KIAA0319L: variants seen among roughly 807,000 people sequenced by gnomAD.
KIAA0319L encodes KIAA0319 like.
KIAA0319L carries 55 observed loss-of-function variants against 120.1 expected under a neutral mutation model. That is an observed-to-expected ratio of 0.46 (90% CI 0.37 to 0.57). The LOEUF (loss-of-function observed/expected upper bound fraction) is 0.57. KIAA0319L is among the 20% of genes least tolerant of loss of function. The pLI is 0.00. For missense variants in KIAA0319L, 1,049 were observed against 1,255.3 expected (o/e 0.84, Z 2.48); for synonymous variants, 398 against 471.9 (o/e 0.84, Z 2.03).
chr1:35,549,434 T>C (rs1379764692), intron 2 of KIAA0319L, among the ~76,000 whole-genome samples: 1 of 152,200 alleles, frequency 6.6e-6, no homozygotes, highest in Non-Finnish European at 1.5e-5. Flanking sequence ...AGCAGACTCC[T>C]AGTAAGTTCT....
At chr1:35,448,051 C>T (rs1641768100) in intron 16 of KIAA0319L, 122 bp downstream of exon 16, 2 of 926,608 alleles carry the variant, frequency 2.2e-6, no homozygotes, top group Non-Finnish European at 3.3e-6. Context: ...GAAAAGGCAA[C>T]ATGAGTGTTT....
intron 2 of KIAA0319L, among the ~76,000 whole-genome samples, chr1:35,532,850 C>G (rs1483979788): frequency 6.6e-5 from 10 of 152,178 alleles, no homozygotes; most frequent in Admixed American, 6.5e-4. Context: ...AGGGTGAGAA[C>G]AGTGGAGCAA....
intron 2 of KIAA0319L, among the ~76,000 whole-genome samples, chr1:35,531,772 T>A (rs1055177529): frequency 6.6e-6 from 1 of 152,178 alleles, no homozygotes; most frequent in Non-Finnish European, 1.5e-5. Flanking sequence ...GTGTTTTCTG[T>A]CACTTCTCTA....
intron 7 of KIAA0319L, 31 bp downstream of exon 7, chr1:35,466,577 A>C (rs1003348900): frequency 6.8e-7 from 1 of 1,465,954 alleles, no homozygotes; most frequent in Admixed American, 1.7e-5. Context: ...CAGAGGGAGG[A>C]AGGGAGACAC....
rs1017928451 is a variant in KIAA0319L, at chr1:35,506,318, C to T, written c.666+294G>A. On this transcript the variant is annotated intron_variant, in intron 3 of 20. Coordinates refer to ENST00000325722, the MANE Select transcript of KIAA0319L (RefSeq NM_024874.5). This position sits in a 1 kb window ranked among gnomAD's most constrained non-coding sequence, Gnocchi z 4.0. ...AATACTGCAGAATGGTTGGTGAATA[C>T]TAACAGCCATACAACTGTACTTACC... 7.2e-5 allele frequency among the ~76,000 whole-genome samples: 11 copies of T among 152,188 alleles called. No individual in the cohort carries two copies. The highest frequency in any genetic ancestry group is 1.3e-4 in the Non-Finnish European group (9 of 68,034).
intron 3 of KIAA0319L, among the ~76,000 whole-genome samples, chr1:35,492,082 A>G (rs1644615276): frequency 6.6e-6 from 1 of 152,228 alleles, no homozygotes; most frequent in East Asian, 1.9e-4. Context: ...GGAATAAATA[A>G]TACCAATTCT....
Position 35,479,146 on chromosome 1 carries a change from GCCCA to G in KIAA0319L, c.729_732del (p.Gly244GlnfsTer23), listed in dbSNP as rs1263170211. The G allele has an allele frequency of 6.2e-7, 1 of 1,613,812 alleles. No individual in the cohort carries two copies. Among genetic ancestry groups the G allele is most frequent in the African/African-American group, 1.3e-5 (1 of 74,870 alleles). ...TCAGGTTGCACTGATACATTCTTTG[GCCCA>G]CCAGACAGCTCTGCAGTCAGGTCTG... is the stretch of plus-strand genomic sequence containing the variant. On this transcript the variant is annotated frameshift_variant, in exon 4 of 21. Coordinates refer to ENST00000325722, the MANE Select transcript of KIAA0319L (RefSeq NM_024874.5). LOFTEE classifies it high-confidence loss of function.
chr1:35,555,103 C>A (rs771348893), intron 1 of KIAA0319L: 4 of 152,198 alleles, frequency 2.6e-5, no homozygotes, highest in Non-Finnish European at 4.4e-5. Flanking sequence ...CTGCATTCAA[C>A]AGATACTTAC....
At chr1:35,482,348 A>T (rs1644207079) in intron 3 of KIAA0319L, among the ~76,000 whole-genome samples, 1 of 151,752 alleles carries the variant, frequency 6.6e-6, no homozygotes, top group Non-Finnish European at 1.5e-5. Context: ...TTGTTTATTC[A>T]TTCACCTATA....
chr1:35,510,363 A>G (rs1270395317), intron 2 of KIAA0319L: 1 of 151,954 alleles, frequency 6.6e-6, no homozygotes, highest in Non-Finnish European at 1.5e-5. Context: ...AAGCTTTCAG[A>G]AAAAAACAGC....
chr1:35,504,322 G>A (rs1315669726), intron 3 of KIAA0319L, among the ~76,000 whole-genome samples: 15 of 151,678 alleles, frequency 9.9e-5, no homozygotes, highest in Admixed American at 5.9e-4. Context: ...TCAGCCTCCC[G>A]AGTAGCTGGG....
chr1:35,487,380 T>C (rs752973338), intron 3 of KIAA0319L, among the ~76,000 whole-genome samples: 6 of 152,046 alleles, frequency 3.9e-5, no homozygotes, highest in Non-Finnish European at 5.9e-5. Flanking sequence ...TCAGCCTCCC[T>C]AGTAGCTGGA....
At chr1:35,474,330 A>C (rs1643820099) in intron 5 of KIAA0319L, among the ~76,000 whole-genome samples, 1 of 152,174 alleles carries the variant, frequency 6.6e-6, no homozygotes, top group African/African-American at 2.4e-5. Flanking sequence ...TTCTCAATAA[A>C]ATGGGGATAA....
chr1:35,496,240 T>C (rs949722569), intron 3 of KIAA0319L, among the ~76,000 whole-genome samples: 1 of 152,010 alleles, frequency 6.6e-6, no homozygotes, highest in Non-Finnish European at 1.5e-5. Context: ...GCCAACATGG[T>C]GAAACCCTGT....
intron 20 of KIAA0319L, chr1:35,435,302 C>G: frequency 2.0e-6 from 1 of 494,902 alleles, no homozygotes; most frequent in Non-Finnish European, 3.6e-6. Context: ...GATGAGAGCA[C>G]ACCTGGGGTC....
intron 6 of KIAA0319L, among the ~76,000 whole-genome samples, chr1:35,467,095 CA>C (rs1643315921): frequency 6.7e-6 from 1 of 148,268 alleles, no homozygotes; most frequent in Admixed American, 6.7e-5. Flanking sequence ...AAGAGATAAA[CA>C]ACGAACTGAA....
intron 2 of KIAA0319L, among the ~76,000 whole-genome samples, chr1:35,514,902 C>T (rs1197239207): frequency 6.6e-6 from 1 of 152,328 alleles, no homozygotes; most frequent in Non-Finnish European, 1.5e-5. Flanking sequence ...TGATAGACCT[C>T]TACAGAACTC....
At chr1:35,459,806 A>G (rs996093638) in intron 9 of KIAA0319L, among the ~76,000 whole-genome samples, 1 of 152,168 alleles carries the variant, frequency 6.6e-6, no homozygotes, top group Non-Finnish European at 1.5e-5. Flanking sequence ...TTTAGTAATC[A>G]CTCTAGAATA....
At chr1:35,508,612 G>A (rs1006935169) in intron 2 of KIAA0319L, among the ~76,000 whole-genome samples, 2 of 151,366 alleles carry the variant, frequency 1.3e-5, no homozygotes, top group African/African-American at 4.9e-5. Flanking sequence ...AAAAGATGAA[G>A]AATACCAACT....
Sources: gnomAD v4.1 joint callset for allele counts (sites outside exome capture counted in the v4.1 genomes callset) on GRCh38, gnomAD v4.1.1 for gene constraint, Gnocchi (gnomAD v3.1) non-coding constraint, MANE v1.5 for transcripts, NCBI Gene and HGNC (gene_info 2026-07-23, HGNC 2026-07-21) for gene names.